The following CAST variants were observed in gnomAD, a reference collection of about 807,000 sequenced individuals.
CAST encodes calpastatin.
A neutral mutation model predicts 119.6 loss-of-function variants in CAST; 76 were observed. The observed-to-expected ratio is 0.64, with a 90% CI of 0.53 to 0.77. The LOEUF is 0.77. CAST is among the 30% of genes least tolerant of loss of function. CAST has a pLI of 0.00. For missense variants in CAST, 953 were observed against 946.5 expected, an observed-to-expected ratio of 1.01 and a Z score of -0.09; for synonymous variants, 319 against 331.6, an observed-to-expected ratio of 0.96 and a Z score of 0.41.
chr5:96,753,489 C>T (rs1170096478), intron 20 of CAST, among the ~76,000 whole-genome samples: 1 of 152,168 alleles, frequency 6.6e-6, no homozygotes, highest in African/African-American at 2.4e-5. Flanking sequence ...TCATTTTGAA[C>T]AATCGGACCA....
the CAST span, among the ~76,000 whole-genome samples, chr5:96,013,060 T>C: frequency 6.6e-6 from 1 of 152,178 alleles, no homozygotes; most frequent in African/African-American, 2.4e-5. Flanking sequence ...CATTATTAAG[T>C]CTTGGTGTGG....
the CAST span, among the ~76,000 whole-genome samples, chr5:96,077,739 C>A: frequency 6.6e-6 from 1 of 152,140 alleles, no homozygotes; most frequent in Admixed American, 6.6e-5. Context: ...TCTCCTTCTA[C>A]CATGAGTGGA....
At chr5:96,226,976 C>T in the CAST span, among the ~76,000 whole-genome samples, 48 of 152,316 alleles carry the variant, frequency 3.2e-4, no homozygotes, top group African/African-American at 1.0e-3. Context: ...TGAGTGTCCA[C>T]GGTTTCTAGC....
chr5:96,387,855 A>G, the CAST span, among the ~76,000 whole-genome samples: 2 of 152,164 alleles, frequency 1.3e-5, no homozygotes, highest in Non-Finnish European at 2.9e-5. Flanking sequence ...AGGTTTATAA[A>G]TCACCTGTCA....
the CAST span, among the ~76,000 whole-genome samples, chr5:95,999,770 A>G: frequency 5.3e-5 from 8 of 152,162 alleles, no homozygotes; most frequent in Non-Finnish European, 1.0e-4. Flanking sequence ...GTAAATACTT[A>G]GGGCGGAATT....
chr5:96,696,750 G>C (rs1204007116), intron 3 of CAST, among the ~76,000 whole-genome samples: 1 of 149,614 alleles, frequency 6.7e-6, no homozygotes, highest in Non-Finnish European at 1.5e-5. Context: ...CAGCTACTCA[G>C]ATGGCTGAGG....
the CAST span, among the ~76,000 whole-genome samples, chr5:96,106,528 C>T: frequency 2.4e-4 from 36 of 151,066 alleles, no homozygotes; most frequent in South Asian, 1.7e-3. Context: ...TGTAGTTGAG[C>T]GGTTTTGAGT....
chr5:96,112,719 G>T, the CAST span, among the ~76,000 whole-genome samples: 3 of 152,098 alleles, frequency 2.0e-5, no homozygotes, highest in African/African-American at 7.2e-5. Context: ...ATACACCTCA[G>T]CTACCAAATA....
chr5:96,594,560 T>A (rs1293589096), intron 1 of CAST, among the ~76,000 whole-genome samples: 11 of 152,224 alleles, frequency 7.2e-5, no homozygotes, highest in Non-Finnish European at 1.6e-4. Context: ...TAAATTTTAA[T>A]TTTTTATTTA....
At chr5:96,634,039 G>T (rs1165980351) in intron 1 of CAST, among the ~76,000 whole-genome samples, 2 of 152,092 alleles carry the variant, frequency 1.3e-5, no homozygotes, top group African/African-American at 4.8e-5. Context: ...TATGTCTCTG[G>T]GTTCAGTCTA....
At chr5:96,105,920 A>T in the CAST span, among the ~76,000 whole-genome samples, 1 of 152,184 alleles carries the variant, frequency 6.6e-6, no homozygotes, top group African/African-American at 2.4e-5. Flanking sequence ...AGATCCTGTT[A>T]TTGATCTATT....
chr5:96,095,379 G>C, the CAST span, among the ~76,000 whole-genome samples: 1 of 151,546 alleles, frequency 6.6e-6, no homozygotes, highest in Non-Finnish European at 1.5e-5. Flanking sequence ...AGGCCAGCCT[G>C]GGTGACATAG....
the CAST span, among the ~76,000 whole-genome samples, chr5:96,251,663 A>C: frequency 6.6e-6 from 1 of 152,290 alleles, no homozygotes; most frequent in Middle Eastern, 3.4e-3. Context: ...CACTCTGGCC[A>C]CAGAGAAGCC....
the CAST span, among the ~76,000 whole-genome samples, chr5:96,291,920 C>A: frequency 6.7e-6 from 1 of 150,224 alleles, no homozygotes; most frequent in Admixed American, 6.7e-5. Flanking sequence ...GATACAGAAT[C>A]TTTCTTTCCT....
At chr5:96,144,297 TATAAC>T in the CAST span, among the ~76,000 whole-genome samples, 1 of 152,190 alleles carries the variant, frequency 6.6e-6, no homozygotes, top group Non-Finnish European at 1.5e-5. Context: ...CCCATCTTGT[TATAAC>T]ATGACTACTG....
chr5:96,430,914 A>G, the CAST span, among the ~76,000 whole-genome samples: 1 of 152,262 alleles, frequency 6.6e-6, no homozygotes, highest in Non-Finnish European at 1.5e-5. Flanking sequence ...ATTAAGATTT[A>G]TGTTTATTTA....
At chr5:96,130,021 CTTTTT>C in the CAST span, among the ~76,000 whole-genome samples, 1 of 129,508 alleles carries the variant, frequency 7.7e-6, no homozygotes, top group African/African-American at 2.9e-5. Flanking sequence ...AACACACACA[CTTTTT>C]TTTTTTTTTT....
At chr5:95,966,060 T>A in the CAST span, among the ~76,000 whole-genome samples, 1 of 152,158 alleles carries the variant, frequency 6.6e-6, no homozygotes, top group Non-Finnish European at 1.5e-5. Flanking sequence ...TCTAGGTCCA[T>A]CTCTGCTGGT....
At chr5:96,522,389 C>G (rs571245178), upstream of CAST, among the ~76,000 whole-genome samples, 1 of 152,240 alleles carries the variant, frequency 6.6e-6, no homozygotes. Context: ...TACTTATTAC[C>G]TCCTACACAG....
Sources: gnomAD v4.1 joint callset for allele counts (sites outside exome capture counted in the v4.1 genomes callset) on GRCh38, gnomAD v4.1.1 for gene constraint, MANE v1.5 for transcripts, NCBI Gene and HGNC (gene_info 2026-07-23, HGNC 2026-07-21) for gene names.